Variants in EDNRA observed in about 807,000 individuals in gnomAD.
EDNRA encodes the protein endothelin-1 receptor.
A neutral mutation model predicts 41.4 loss-of-function variants in EDNRA; 11 were observed. That is an observed-to-expected ratio of 0.27 (90% confidence interval 0.17 to 0.44). The LOEUF is 0.44. Ranked by LOEUF, EDNRA falls within the 20% of genes least tolerant of loss-of-function variation. The probability of loss-of-function intolerance (pLI) is 1.00; values close to 1 mark genes in which losing one functional copy is unlikely to be tolerated. For missense variants in EDNRA, 294 were observed against 531.0 expected (o/e 0.55, Z 4.39); for synonymous variants, 172 against 183.0 (o/e 0.94, Z 0.49).
intron 3 of EDNRA, chr4:147,520,390 A>G: frequency 1.9e-6 from 1 of 519,324 alleles, no homozygotes; most frequent in South Asian, 1.4e-5. Flanking sequence ...AGTGCACCAT[A>G]TTGCTATGTT....
chr4:147,517,417 G>A (rs187123224), intron 2 of EDNRA, among the ~76,000 whole-genome samples: 95 of 152,280 alleles, frequency 6.2e-4, no homozygotes, highest in Admixed American at 2.4e-3. Context: ...TAGTTAATGA[G>A]GGCCTCTTTG....
chr4:147,495,251 C>A (rs1729266031), intron 2 of EDNRA: 1 of 152,186 alleles, frequency 6.6e-6, no homozygotes, highest in Admixed American at 6.5e-5. Context: ...TGTTAGCCAG[C>A]CTGCCGTACT....
chr4:147,501,810 A>T (rs1047085308), intron 2 of EDNRA, among the ~76,000 whole-genome samples: 2 of 152,230 alleles, frequency 1.3e-5, no homozygotes, highest in Non-Finnish European at 2.9e-5. Flanking sequence ...CTATGCTACA[A>T]TTGTAACCAT....
rs1486830727 is a variant in EDNRA at position 147,532,671 on chromosome 4, C to T, written c.714C>T (p.Thr238=). Residue 238 remains threonine, a synonymous_variant, in exon 4 of 8, where the codon ACC becomes ACT. Transcript: ENST00000651419. ...PFEYRGEQHK[T]CMLNATSKFM... ...AATATAGGGGTGAACAGCATAAAACCTGTATGCTCAATGCCACATCAAAAT... is the reference window on the plus strand; with the variant it reads ...AATATAGGGGTGAACAGCATAAAACTTGTATGCTCAATGCCACATCAAAAT... 1 of 1,614,112 alleles carries T rather than the reference C, an allele frequency of 6.2e-7. No individual in the cohort carries two copies. The highest frequency in any genetic ancestry group is 8.5e-7 in the Non-Finnish European group (1 of 1,180,020).
rs771639728 is a variant in EDNRA at position 147,532,730 on chromosome 4, C to T, written c.747+26C>T. 5.0e-6 allele frequency: 8 copies of T among 1,610,402 alleles called. No individual in the cohort carries two copies. In the East Asian group the frequency reaches 1.3e-4, roughly 27 times the overall value. Reference sequence around the variant, plus strand: ...GTACTAAACGTTTAAAAGGAATTAACTGGGGAAGGGAGGAGGTCCTCCGTT... The same window carrying T: ...GTACTAAACGTTTAAAAGGAATTAATTGGGGAAGGGAGGAGGTCCTCCGTT... On this transcript the variant is annotated intron_variant, in intron 4 of 7. Transcript: ENST00000651419.
At chr4:147,503,684 C>T (rs767322361) in intron 2 of EDNRA, among the ~76,000 whole-genome samples, 1 of 152,234 alleles carries the variant, frequency 6.6e-6, no homozygotes, top group East Asian at 1.9e-4. Context: ...TATAAAGATG[C>T]TTCTGACAAG....
chr4:147,490,698 T>G (rs1729107650), intron 2 of EDNRA: 1 of 152,178 alleles, frequency 6.6e-6, no homozygotes, highest in Non-Finnish European at 1.5e-5. Flanking sequence ...ATTATATTAT[T>G]TAATGATTCA....
At chr4:147,496,811 C>T (rs896439682) in intron 2 of EDNRA, among the ~76,000 whole-genome samples, 12 of 152,280 alleles carry the variant, frequency 7.9e-5, no homozygotes, top group African/African-American at 2.4e-4. Context: ...GTGTGAATAT[C>T]GCACTTTCTC....
chr4:147,526,842 AG>A (rs1271303152), intron 3 of EDNRA, among the ~76,000 whole-genome samples: 1 of 152,164 alleles, frequency 6.6e-6, no homozygotes, highest in Non-Finnish European at 1.5e-5. Context: ...CCCAGCTACT[AG>A]GGAGCCTGAG....
chr4:147,515,030 G>A (rs1424982268), intron 2 of EDNRA, among the ~76,000 whole-genome samples: 3 of 152,184 alleles, frequency 2.0e-5, no homozygotes. Context: ...AGCCCTCCAG[G>A]TGATTCTGCA....
intron 2 of EDNRA, chr4:147,490,866 T>A (rs1252465101): frequency 6.6e-6 from 1 of 152,264 alleles, no homozygotes; most frequent in Middle Eastern, 3.4e-3. Context: ...CACAGACATT[T>A]CCATATATCA....
chr4:147,504,311 C>G (rs535752164), intron 2 of EDNRA, among the ~76,000 whole-genome samples: 1 of 152,308 alleles, frequency 6.6e-6, no homozygotes, highest in Admixed American at 6.5e-5. Flanking sequence ...AATATGTTGT[C>G]TCTCTTGTAC....
chr4:147,490,404 T>C (rs1407361852), intron 2 of EDNRA: 1 of 152,142 alleles, frequency 6.6e-6, no homozygotes. Flanking sequence ...CAGTAGAAGA[T>C]TGACAAAAGC....
At chr4:147,513,050 C>T (rs1009131096) in intron 2 of EDNRA, among the ~76,000 whole-genome samples, 5 of 152,128 alleles carry the variant, frequency 3.3e-5, no homozygotes, top group Admixed American at 2.6e-4. Context: ...CTAACAGGCA[C>T]AAAGGTTAAC....
At chr4:147,488,808 A>AG (rs1183561182) in intron 2 of EDNRA, 1 of 152,278 alleles carries the variant, frequency 6.6e-6, no homozygotes, top group Non-Finnish European at 1.5e-5. Flanking sequence ...TGTGAGTCAC[A>AG]GGCCCCCATC....
At chr4:147,504,904 G>A (rs1225685387) in intron 2 of EDNRA, among the ~76,000 whole-genome samples, 1 of 136,584 alleles carries the variant, frequency 7.3e-6, no homozygotes, top group Non-Finnish European at 1.5e-5. Flanking sequence ...GTTGCAGTGA[G>A]CCGAGATTGC....
intron 2 of EDNRA, chr4:147,491,583 G>GT (rs1729139469): frequency 6.7e-6 from 1 of 150,016 alleles, no homozygotes; most frequent in African/African-American, 2.5e-5. Flanking sequence ...GGTGGTGGTG[G>GT]TGATGATGAT....
intron 5 of EDNRA, among the ~76,000 whole-genome samples, chr4:147,537,765 G>C (rs1162944683): frequency 6.6e-6 from 1 of 152,130 alleles, no homozygotes; most frequent in African/African-American, 2.4e-5. Context: ...TGATTTAGAG[G>C]TTTGCTCAAC....
chr4:147,541,974 T>C (rs1358172492), intron 7 of EDNRA, among the ~76,000 whole-genome samples: 1 of 152,164 alleles, frequency 6.6e-6, no homozygotes, highest in African/African-American at 2.4e-5. Flanking sequence ...AGAGCCCAAA[T>C]CTAGAGAGTC....
Sources: allele counts gnomAD v4.1 joint callset (sites outside exome capture counted in the v4.1 genomes callset), GRCh38; gene constraint gnomAD v4.1.1; transcripts MANE v1.5; gene names NCBI Gene and HGNC (gene_info 2026-07-23, HGNC 2026-07-21).